MGAM2: variants seen among roughly 807,000 people sequenced by gnomAD.
The protein encoded by MGAM2 is maltase-glucoamylase 2 (putative).
A neutral mutation model predicts 96.1 loss-of-function variants in MGAM2; 98 were observed. That is an observed-to-expected ratio of 1.02 (90% CI 0.87 to 1.21). MGAM2 has a LOEUF of 1.21. Among genes scored for constraint, MGAM2 ranks in the 50% most tolerant of loss-of-function variants. MGAM2 has a pLI of 0.00. For missense variants in MGAM2, 2,055 were observed against 1,182.4 expected (o/e 1.74, Z -10.82); for synonymous variants, 749 against 414.8 (o/e 1.81, Z -9.79).
intron 7 of MGAM2, among the ~76,000 whole-genome samples, chr7:142,135,723 T>TAC (rs144830276): frequency 0.045 from 6,558 of 145,154 alleles, 305 homozygotes; most frequent in African/African-American, 0.11. Flanking sequence ...CACTTAGAGT[T>TAC]ACACACACAC....
intron 46 of MGAM2, among the ~76,000 whole-genome samples, chr7:142,210,387 CT>C (rs1311357525): frequency 3.9e-5 from 6 of 152,090 alleles, no homozygotes; most frequent in Non-Finnish European, 7.4e-5. Context: ...GCCGAGTGCC[CT>C]TGCTCAGCGG....
chr7:142,158,362 G>T, intron 19 of MGAM2, 30 bp downstream of exon 19: 2 of 702,528 alleles, frequency 2.8e-6, no homozygotes, highest in Non-Finnish European at 2.6e-6. Context: ...AATGAAAGGG[G>T]GTATTGCACT....
intron 26 of MGAM2, among the ~76,000 whole-genome samples, chr7:142,169,860 C>T (rs1188397557): frequency 6.6e-6 from 1 of 152,136 alleles, no homozygotes; most frequent in Non-Finnish European, 1.5e-5. Flanking sequence ...CCCTCCTTGG[C>T]TTTGAATGGG....
At chr7:142,198,300 G>T (rs1797113365) in intron 43 of MGAM2, 105 bp downstream of exon 43, 1 of 637,670 alleles carries the variant, frequency 1.6e-6, no homozygotes, top group South Asian at 1.8e-5. Context: ...CAATAATTTT[G>T]ACCTTTTTAG....
At chr7:142,204,089 A>T (rs545391576) in intron 45 of MGAM2, among the ~76,000 whole-genome samples, 71 of 151,986 alleles carry the variant, frequency 4.7e-4, no homozygotes, top group African/African-American at 1.6e-3. Flanking sequence ...TCTTTCTCTC[A>T]TCTACTTACC....
At chr7:142,182,106 C>A (rs777305545) in intron 32 of MGAM2, among the ~76,000 whole-genome samples, 2 of 152,206 alleles carry the variant, frequency 1.3e-5, no homozygotes, top group Non-Finnish European at 2.9e-5. Context: ...ATACCTCACT[C>A]TTCTCAGTGT....
At chr7:142,203,930 G>T (rs1797319974) in intron 45 of MGAM2, among the ~76,000 whole-genome samples, 3 of 151,908 alleles carry the variant, frequency 2.0e-5, no homozygotes, top group Admixed American at 2.0e-4. Context: ...TTTTTCTTTG[G>T]TTATTTTAGC....
chr7:142,157,190 T>C (rs1474822338), intron 17 of MGAM2, among the ~76,000 whole-genome samples: 1 of 152,044 alleles, frequency 6.6e-6, no homozygotes, highest in East Asian at 1.9e-4. Flanking sequence ...TGGCAGGCAA[T>C]GTGGCTTATA....
chr7:142,217,738 T>C (rs978040966), intron 46 of MGAM2, among the ~76,000 whole-genome samples: 59 of 152,154 alleles, frequency 3.9e-4, no homozygotes, highest in African/African-American at 1.3e-3. Flanking sequence ...AACAATTTAT[T>C]GTATATTTCA....
At chr7:142,134,199 TC>T in intron 7 of MGAM2, 47 bp downstream of exon 7, 1 of 675,190 alleles carries the variant, frequency 1.5e-6, no homozygotes, top group Non-Finnish European at 2.7e-6. Flanking sequence ...AGGGATACCC[TC>T]CTTCCTTTCC....
At chr7:142,137,222 A>C (rs1322887005) in intron 8 of MGAM2, among the ~76,000 whole-genome samples, 3 of 152,056 alleles carry the variant, frequency 2.0e-5, no homozygotes, top group Admixed American at 1.3e-4. Context: ...ATCTTAAAAA[A>C]AAAAAAACAA....
rs1335342327 is a variant in MGAM2 at position 142,158,318 on chromosome 7, C to A, written c.2149C>A (p.Pro717Thr). ...ATGGGGACCTGGACTCCTCATCACG[C>A]CTGTTTTATATGAAGTATGTTTATC... ...FLWGPGLLIT[P>T]VLYEGVDEVK... The change falls in exon 19 of 48, where the codon CCT becomes ACT. Residue 717 changes from proline to threonine, a missense_variant. Coordinates refer to ENST00000477922, the MANE Select transcript of MGAM2 (RefSeq NM_001293626.2). 2.8e-6 allele frequency: 2 copies of A among 702,734 alleles called. No individual in the cohort carries two copies. Among genetic ancestry groups the A allele is most frequent in the African/African-American group, 1.7e-5 (1 of 57,168 alleles). The allele number at this position is 702,734 out of a possible 1,614,324, so 43.5% of individuals were successfully genotyped here. A position where few individuals can be genotyped will look rare whatever the true frequency, so the allele number is the denominator to read the frequency against.
intron 40 of MGAM2, 102 bp from the exon 41 acceptor site, chr7:142,197,298 T>G (rs1400820204): frequency 1.6e-6 from 1 of 640,536 alleles, no homozygotes; most frequent in African/African-American, 1.8e-5. Context: ...GGTAAGTGGC[T>G]TGTAACCTAC....
chr7:142,187,585 C>T (rs140573354), intron 35 of MGAM2, among the ~76,000 whole-genome samples, 165 bp from the exon 36 acceptor site: 1 of 152,270 alleles, frequency 6.6e-6, no homozygotes, highest in African/African-American at 2.4e-5. Context: ...TTACACTACA[C>T]ATTTTTAGAG....
At chr7:142,185,846 C>T in intron 34 of MGAM2, 143 bp from the exon 35 acceptor site, 1 of 508,390 alleles carries the variant, frequency 2.0e-6, no homozygotes, top group Non-Finnish European at 3.5e-6. Context: ...ATCTCTGCTT[C>T]TGTTGTAAAC....
At chr7:142,207,483 T>C (rs1790093257) in intron 45 of MGAM2, among the ~76,000 whole-genome samples, 1 of 152,130 alleles carries the variant, frequency 6.6e-6, no homozygotes, top group African/African-American at 2.4e-5. Context: ...TGGAGTGCAG[T>C]GGCGCGATCT....
At chr7:142,143,428 A>G (rs1280097112) in intron 12 of MGAM2, among the ~76,000 whole-genome samples, 1 of 152,206 alleles carries the variant, frequency 6.6e-6, no homozygotes, top group Non-Finnish European at 1.5e-5. Flanking sequence ...AACACTTGAA[A>G]AAAGTTCATT....
Position 142,221,972 on chromosome 7 carries a change from TACTACC to T in MGAM2, c.7465_7470del (p.Thr2489_Thr2490del), listed in dbSNP as rs1797945615. ...CAAATATTACAAAATATGCTTTAAA[TACTACC>T]ACTCCTGATAGTACAGTACATACCT... On this transcript the variant is annotated inframe_deletion, in exon 48 of 48. Transcript: ENST00000477922. 2.5e-6 allele frequency: 1 copy of T among 399,204 alleles called. No individual in the cohort carries two copies. The highest frequency in any genetic ancestry group is 2.1e-5 in the African/African-American group (1 of 48,604). 24.7% of individuals were successfully genotyped at this position (399,204 alleles called of 1,614,324 possible).
At chr7:142,200,082 C>A in intron 45 of MGAM2, 114 bp downstream of exon 45, 1 of 488,076 alleles carries the variant, frequency 2.0e-6, no homozygotes, top group Non-Finnish European at 3.6e-6. Context: ...GTCAATAAGG[C>A]AATAACATTT....
Sources: gnomAD v4.1 joint callset for allele counts (sites outside exome capture counted in the v4.1 genomes callset) on GRCh38, gnomAD v4.1.1 for gene constraint, MANE v1.5 for transcripts, NCBI Gene and HGNC (gene_info 2026-07-23, HGNC 2026-07-21) for gene names.